The following KCNQ5 variants were observed in gnomAD, a reference collection of about 807,000 sequenced individuals.
The protein encoded by KCNQ5 is potassium voltage-gated channel subfamily KQT member 5.
A neutral mutation model predicts 98.2 loss-of-function variants in KCNQ5; 30 were observed. The observed-to-expected ratio is 0.31, with a 90% CI of 0.23 to 0.41. KCNQ5 has a LOEUF of 0.41. KCNQ5 is among the 10% of genes least tolerant of loss of function. The pLI is 1.00. For synonymous variants in KCNQ5, 458 were observed against 449.4 expected, an observed-to-expected ratio of 1.02 and a Z score of -0.24; for missense variants, 835 against 1,182.5, an observed-to-expected ratio of 0.71 and a Z score of 4.31.
At position 73,082,989 on chromosome 6, in the gene KCNQ5, C is replaced by T. The variant is rs151017714; in HGVS notation, c.918+5102C>T. Among the ~76,000 whole-genome samples, 844 of 149,768 alleles carry T rather than the reference C, an allele frequency of 5.6e-3. 10 individuals are homozygous for T. The highest frequency in any genetic ancestry group is 0.02 in the African/African-American group (817 of 40,544). On this transcript the variant is annotated intron_variant, in intron 5 of 13. Coordinates refer to ENST00000370398, the MANE Select transcript of KCNQ5 (RefSeq NM_019842.4). ...CGCTGCAGCCTCAACCTCCCAGGTT[C>T]GAGCAGCCCTCCCGCCTCAGCCTCC...
intron 1 of KCNQ5, among the ~76,000 whole-genome samples, chr6:72,923,667 C>T (rs1376311726): frequency 6.6e-6 from 1 of 152,054 alleles, no homozygotes; most frequent in Admixed American, 6.6e-5. Context: ...GTATAGTACC[C>T]AATAGGTAGT....
chr6:72,704,622 A>G (rs1344049525), intron 1 of KCNQ5, among the ~76,000 whole-genome samples: 1 of 130,046 alleles, frequency 7.7e-6, no homozygotes, highest in Non-Finnish European at 1.5e-5. Flanking sequence ...AGGGGATATT[A>G]ATTGTTATAA....
intron 2 of KCNQ5, among the ~76,000 whole-genome samples, chr6:73,031,237 T>C (rs991878420): frequency 1.3e-5 from 2 of 152,160 alleles, no homozygotes; most frequent in Non-Finnish European, 1.5e-5. Context: ...CATTCAGTGG[T>C]AGAAACCATA....
At chr6:72,958,802 A>G (rs1455439388) in intron 1 of KCNQ5, among the ~76,000 whole-genome samples, 1 of 152,232 alleles carries the variant, frequency 6.6e-6, no homozygotes, top group African/African-American at 2.4e-5. Context: ...AGTGCAATAC[A>G]TTATCTGAAA....
intron 1 of KCNQ5, among the ~76,000 whole-genome samples, chr6:72,967,430 T>C (rs1410639369): frequency 6.6e-6 from 1 of 152,146 alleles, no homozygotes; most frequent in East Asian, 1.9e-4. Flanking sequence ...GTGAGGAAAA[T>C]GTATGGTGAA....
chr6:72,743,950 C>A (rs1771250754), intron 1 of KCNQ5, among the ~76,000 whole-genome samples: 1 of 152,184 alleles, frequency 6.6e-6, no homozygotes, highest in African/African-American at 2.4e-5. Flanking sequence ...AAGTTCATTT[C>A]TCCCTCATGC....
chr6:72,669,932 G>A (rs1285555618), intron 1 of KCNQ5, among the ~76,000 whole-genome samples: 1 of 123,710 alleles, frequency 8.1e-6, no homozygotes, highest in Non-Finnish European at 1.7e-5. Flanking sequence ...TTTTTGGAAT[G>A]TGGATGGGCT....
chr6:73,095,988 T>A (rs1398292890), intron 5 of KCNQ5, among the ~76,000 whole-genome samples: 1 of 152,092 alleles, frequency 6.6e-6, no homozygotes, highest in African/African-American at 2.4e-5. Flanking sequence ...CCTCATATGA[T>A]CACAAGATGA....
At chr6:73,041,878 T>A (rs1771721239) in intron 2 of KCNQ5, 58 bp from the exon 3 acceptor site, 2 of 1,604,206 alleles carry the variant, frequency 1.2e-6, no homozygotes, top group Non-Finnish European at 1.7e-6. Flanking sequence ...GCATAGAGCT[T>A]CTTACTGTGG....
At chr6:73,046,598 A>ATTTTATT (rs1477237875) in intron 3 of KCNQ5, among the ~76,000 whole-genome samples, 1 of 147,556 alleles carries the variant, frequency 6.8e-6, no homozygotes, top group African/African-American at 2.5e-5. Context: ...ATTTTACTTT[A>ATTTTATT]CTTTATTTTA....
chr6:72,650,580 A>G (rs1003322816), intron 1 of KCNQ5, among the ~76,000 whole-genome samples: 1 of 152,180 alleles, frequency 6.6e-6, no homozygotes, highest in African/African-American at 2.4e-5. Flanking sequence ...AAATCCATTT[A>G]AAAGCGAAAC....
intron 1 of KCNQ5, among the ~76,000 whole-genome samples, chr6:72,626,532 T>C (rs2098918063): frequency 6.6e-6 from 1 of 152,216 alleles, no homozygotes; most frequent in African/African-American, 2.4e-5. Flanking sequence ...CTGTAGGCAG[T>C]AGTGGTCATT....
At chr6:72,974,640 T>C (rs1166691015) in intron 1 of KCNQ5, among the ~76,000 whole-genome samples, 1 of 152,166 alleles carries the variant, frequency 6.6e-6, no homozygotes, top group East Asian at 1.9e-4. Flanking sequence ...CCTGTCAGCT[T>C]ACTAATTAGA....
At chr6:72,976,914 G>A (rs1293288233) in intron 1 of KCNQ5, among the ~76,000 whole-genome samples, 1 of 152,148 alleles carries the variant, frequency 6.6e-6, no homozygotes, top group Non-Finnish European at 1.5e-5. Flanking sequence ...CTTCAAATGG[G>A]TTTGCTTAGA....
At chr6:72,782,764 G>T (rs1773554676) in intron 1 of KCNQ5, among the ~76,000 whole-genome samples, 2 of 151,858 alleles carry the variant, frequency 1.3e-5, no homozygotes, top group African/African-American at 4.8e-5. Flanking sequence ...ATAATACCTG[G>T]TTTTCTTATT....
intron 1 of KCNQ5, among the ~76,000 whole-genome samples, chr6:72,714,170 A>C (rs1428893759): frequency 6.6e-6 from 1 of 152,128 alleles, no homozygotes; most frequent in Non-Finnish European, 1.5e-5. Flanking sequence ...TAGTGAGTCC[A>C]TTTGTTGTTG....
At chr6:72,632,139 T>TTTC (rs1207524732) in intron 1 of KCNQ5, among the ~76,000 whole-genome samples, 13 of 25,214 alleles carry the variant, frequency 5.2e-4, no homozygotes, top group Non-Finnish European at 1.8e-3. Context: ...TCTTTCTTTC[T>TTTC]TTTTTTTTTT....
chr6:73,125,687 A>C (rs1775952400), intron 9 of KCNQ5, among the ~76,000 whole-genome samples: 1 of 152,094 alleles, frequency 6.6e-6, no homozygotes, highest in Non-Finnish European at 1.5e-5. Flanking sequence ...CATTATGTTT[A>C]TATGTAAAGA....
intron 3 of KCNQ5, among the ~76,000 whole-genome samples, chr6:73,050,073 T>C (rs1029521144): frequency 1.3e-5 from 2 of 151,964 alleles, no homozygotes; most frequent in African/African-American, 4.8e-5. Context: ...CTGTAATAGC[T>C]GGGTGTGGTG....
Sources: gnomAD v4.1 joint callset for allele counts (sites outside exome capture counted in the v4.1 genomes callset) on GRCh38, gnomAD v4.1.1 for gene constraint, MANE v1.5 for transcripts, NCBI Gene and HGNC (gene_info 2026-07-23, HGNC 2026-07-21) for gene names.